MEF2C: variants seen among roughly 807,000 people sequenced by gnomAD.
MEF2C encodes the protein myocyte-specific enhancer factor 2C.
MEF2C carries 6 observed loss-of-function variants against 50.5 expected under a neutral mutation model. The observed-to-expected ratio is 0.12, with a 90% CI of 0.07 to 0.23. The LOEUF (loss-of-function observed/expected upper bound fraction) is 0.23. Among genes scored for constraint, MEF2C ranks in the 10% least tolerant of loss-of-function variants. MEF2C has a pLI of 1.00. For missense variants in MEF2C, 276 were observed against 605.0 expected (o/e 0.46, Z 5.70); for synonymous variants, 183 against 228.0 (o/e 0.80, Z 1.78).
At chr5:88,895,139 A>G (rs930497338) in intron 1 of MEF2C, among the ~76,000 whole-genome samples, 2 of 152,106 alleles carry the variant, frequency 1.3e-5, no homozygotes, top group Admixed American at 6.5e-5. Context: ...AAACATCTCA[A>G]TGTTGTAGTT....
At chr5:88,776,002 T>G (rs1784569033) in intron 3 of MEF2C, 1 of 163,414 alleles carries the variant, frequency 6.1e-6, no homozygotes, top group African/African-American at 2.4e-5. Context: ...TATGAACCCT[T>G]TTTGTTGATA....
At chr5:88,853,732 C>T (rs1387680630) in intron 1 of MEF2C, among the ~76,000 whole-genome samples, 1 of 152,166 alleles carries the variant, frequency 6.6e-6, no homozygotes, top group Non-Finnish European at 1.5e-5. Flanking sequence ...AAGATATAAA[C>T]CCTTTCCAAT....
chr5:88,718,852 T>C lies in MEF2C; in HGVS notation c.*3752A>G, dbSNP rs752468385. On this transcript the variant is annotated 3_prime_UTR_variant, in exon 11 of 11. Coordinates refer to ENST00000504921, the MANE Select transcript of MEF2C (RefSeq NM_002397.5). ...TAAGAAAAGCCTTTAATTACATCTGTAGTCTGAAGCATTCTAACAGACACC... is the reference window on the plus strand; with the variant it reads ...TAAGAAAAGCCTTTAATTACATCTGCAGTCTGAAGCATTCTAACAGACACC... 6.6e-6 allele frequency: 1 copy of C among 152,350 alleles called. No homozygotes were observed. The allele number at this position is 152,350 out of a possible 1,614,324, so 9.4% of individuals were successfully genotyped here. A position where few individuals can be genotyped will look rare whatever the true frequency, so the allele number is the denominator to read the frequency against.
rs138263965 is a variant in MEF2C at position 88,861,846 on chromosome 5, A to G, written c.-143+21109T>C. Among the ~76,000 whole-genome samples the G allele has an allele frequency of 1.8e-3, 275 of 152,338 alleles. 10 individuals carry two copies. The East Asian group carries it at 0.039, about 22-fold the overall frequency. On this transcript the variant is annotated intron_variant, in intron 1 of 10. Coordinates refer to ENST00000504921, the MANE Select transcript of MEF2C (RefSeq NM_002397.5). ...GTATACTTAATTTACTCAAGGTGAT[A>G]ATTTTCTAATTGCATGTATGATGTT...
At chr5:88,774,334 CTCT>C (rs1490823398) in intron 3 of MEF2C, among the ~76,000 whole-genome samples, 2 of 112,952 alleles carry the variant, frequency 1.8e-5, no homozygotes, top group Admixed American at 8.3e-5. Flanking sequence ...AAGTTTCTAC[CTCT>C]TTTTTTTTTT....
chr5:88,838,748 CTCTT>C (rs1473269844), intron 1 of MEF2C: 16 of 981,996 alleles, frequency 1.6e-5, no homozygotes, highest in Non-Finnish European at 1.9e-5. Context: ...TCTCGTTATG[CTCTT>C]TCTCTTTCTT....
intron 6 of MEF2C, chr5:88,741,291 C>G (rs995854566): frequency 2.0e-6 from 2 of 984,754 alleles, no homozygotes; most frequent in Non-Finnish European, 2.4e-6. Flanking sequence ...CATTTATTAA[C>G]AAGCACTTAC....
chr5:88,840,563 A>G (rs915336388), intron 1 of MEF2C, among the ~76,000 whole-genome samples: 2 of 152,082 alleles, frequency 1.3e-5, no homozygotes, highest in African/African-American at 4.8e-5. Context: ...ACTTATTTCA[A>G]TTTTGTAATT....
chr5:88,739,071 C>T (rs986165102), intron 6 of MEF2C: 19 of 984,844 alleles, frequency 1.9e-5, no homozygotes, highest in Admixed American at 6.2e-5. Context: ...TACTTACTGT[C>T]AATTTAAGAG....
intron 1 of MEF2C, among the ~76,000 whole-genome samples, chr5:88,868,126 G>A (rs1186195049): frequency 6.6e-6 from 1 of 152,144 alleles, no homozygotes. Context: ...GTATTTTTGA[G>A]ATAAAAATGG....
intron 4 of MEF2C, among the ~76,000 whole-genome samples, chr5:88,759,300 T>A (rs1776796372): frequency 6.6e-6 from 1 of 152,148 alleles, no homozygotes; most frequent in African/African-American, 2.4e-5. Flanking sequence ...CTGACCAACA[T>A]GGAGAAATTC....
intron 2 of MEF2C, among the ~76,000 whole-genome samples, chr5:88,808,751 G>T (rs774528007): frequency 6.6e-6 from 1 of 151,874 alleles, no homozygotes; most frequent in Non-Finnish European, 1.5e-5. Context: ...TTAAGCATTA[G>T]GCTTTCTAAA....
intron 2 of MEF2C, among the ~76,000 whole-genome samples, chr5:88,822,240 T>C (rs920589464): frequency 2.6e-5 from 4 of 151,986 alleles, no homozygotes; most frequent in Admixed American, 1.3e-4. Context: ...AATTCATATG[T>C]TTTTGACTAT....
chr5:88,882,642 G>T (rs1833276293), intron 1 of MEF2C, among the ~76,000 whole-genome samples: 1 of 152,106 alleles, frequency 6.6e-6, no homozygotes, highest in African/African-American at 2.4e-5. Context: ...GGCTCCACAC[G>T]CTCCACCATA....
intron 4 of MEF2C, among the ~76,000 whole-genome samples, chr5:88,758,470 A>T (rs1346945930): frequency 6.6e-6 from 1 of 152,186 alleles, no homozygotes; most frequent in Non-Finnish European, 1.5e-5. Context: ...CATAAATTAC[A>T]ATATACTAAC....
chr5:88,836,070 T>C (rs764001809), intron 1 of MEF2C, among the ~76,000 whole-genome samples: 4 of 152,174 alleles, frequency 2.6e-5, no homozygotes, highest in Non-Finnish European at 5.9e-5. Context: ...AATTTCCTGT[T>C]TGGTGAACAT....
intron 3 of MEF2C, among the ~76,000 whole-genome samples, chr5:88,795,670 A>G (rs1366530589): frequency 6.6e-6 from 1 of 152,168 alleles, no homozygotes; most frequent in Non-Finnish European, 1.5e-5. Context: ...AGAACTTCCA[A>G]TACTATGTTG....
chr5:88,814,897 T>C (rs1482530395), intron 2 of MEF2C, among the ~76,000 whole-genome samples: 1 of 152,108 alleles, frequency 6.6e-6, no homozygotes, highest in Non-Finnish European at 1.5e-5. Flanking sequence ...GATCAGGATA[T>C]AAGAGATTTT....
intron 1 of MEF2C, among the ~76,000 whole-genome samples, chr5:88,873,705 C>T (rs1258825321): frequency 4.4e-5 from 5 of 113,694 alleles, no homozygotes; most frequent in East Asian, 2.5e-4. Context: ...AATGTCGTCA[C>T]GGATTTTTTT....
Sources: allele counts gnomAD v4.1 joint callset (sites outside exome capture counted in the v4.1 genomes callset), GRCh38; gene constraint gnomAD v4.1.1; transcripts MANE v1.5; gene names NCBI Gene and HGNC (gene_info 2026-07-23, HGNC 2026-07-21).